The following TRPM2 variants were observed in gnomAD, a reference collection of about 807,000 sequenced individuals.
TRPM2 encodes transient receptor potential cation channel subfamily M member 2, also known as estrogen-responsive element-associated gene 1 protein.
In TRPM2, 161 loss-of-function variants were observed where a neutral mutation model predicts 174.0. That is an observed-to-expected ratio of 0.93 (90% CI 0.81 to 1.05). TRPM2 has a LOEUF of 1.05. Among genes scored for constraint, TRPM2 ranks in the 50% least tolerant of loss-of-function variants. The pLI is 0.00. For missense variants in TRPM2, 2,057 were observed against 2,038.0 expected, an observed-to-expected ratio of 1.01 and a Z score of -0.18; for synonymous variants, 954 against 861.3, an observed-to-expected ratio of 1.11 and a Z score of -1.88.
rs957278687 is a variant in TRPM2, at chr21:44,439,249, C to T, written c.4269+81C>T. Reference sequence around the variant, plus strand: ...AACACAGTGTGATACTGGGGACCTGCCCCAGCACCACTGGGTGGCAGCGGT... The same window carrying T: ...AACACAGTGTGATACTGGGGACCTGTCCCAGCACCACTGGGTGGCAGCGGT... On this transcript the variant is annotated intron_variant, in intron 30 of 31. Transcript: ENST00000397928. This position sits in a 1 kb window ranked among gnomAD's most constrained non-coding sequence, Gnocchi z 5.1. 32 of 1,329,556 alleles carry T rather than the reference C, an allele frequency of 2.4e-5. No homozygotes were observed. The East Asian group carries it at 7.1e-4, about 30-fold the overall frequency. The allele number at this position is 1,329,556 out of a possible 1,614,324, so 82.4% of individuals were successfully genotyped here.
intron 9 of TRPM2, among the ~76,000 whole-genome samples, chr21:44,385,034 C>T (rs1407068733): frequency 6.6e-6 from 1 of 152,174 alleles, no homozygotes; most frequent in African/African-American, 2.4e-5. Context: ...CGAAATTCTT[C>T]AACAAAATAT....
intron 2 of TRPM2, among the ~76,000 whole-genome samples, chr21:44,362,365 A>AAAAAAAAAAAT (rs1201529326): frequency 6.9e-6 from 1 of 144,300 alleles, no homozygotes; most frequent in Non-Finnish European, 1.5e-5. Context: ...AAAAAAAAAA[A>AAAAAAAAAAAT]GCCAGATGTG....
intron 2 of TRPM2, among the ~76,000 whole-genome samples, chr21:44,361,468 T>G (rs2048207368): frequency 6.6e-6 from 1 of 152,234 alleles, no homozygotes; most frequent in Non-Finnish European, 1.5e-5. Flanking sequence ...CTTGCCTGTG[T>G]CATTACACTT....
chr21:44,353,903 G>A, intron 1 of TRPM2, 38 bp downstream of exon 1: 1 of 1,582,784 alleles, frequency 6.3e-7, no homozygotes, highest in Non-Finnish European at 8.6e-7. Flanking sequence ...TTGGCACGTG[G>A]CCACGGAGGT....
rs2146107443 is a variant in TRPM2 at position 44,354,634 on chromosome 21, G to A, written c.166-14G>A. The stretch of plus-strand genomic sequence containing the variant: ...GAATGTTGGAAGATCTCAGTGTGCT[G>A]TCTTTACCTTCAGCAAGAAAGCCTC... On this transcript the variant is annotated splice_polypyrimidine_tract_variant and intron_variant, in intron 1 of 31. Transcript: ENST00000397928. The surrounding 1 kb of genome is among the most constrained non-coding windows in gnomAD (Gnocchi z 4.3). 6.2e-7 allele frequency: 1 copy of A among 1,611,662 alleles called. No individual in the cohort carries two copies. Among genetic ancestry groups the A allele is most frequent in the Non-Finnish European group, 8.5e-7 (1 of 1,177,804 alleles).
chr21:44,396,034 C>G (rs866789836), intron 12 of TRPM2, among the ~76,000 whole-genome samples: 2 of 22,250 alleles, frequency 9.0e-5, no homozygotes, highest in Admixed American at 4.8e-4. Flanking sequence ...GTGTGGAGGG[C>G]TGTGGAGGCT....
At chr21:44,420,583 G>A (rs1469885230) in intron 22 of TRPM2, among the ~76,000 whole-genome samples, 1 of 152,234 alleles carries the variant, frequency 6.6e-6, no homozygotes, top group East Asian at 1.9e-4. Flanking sequence ...GCCATGCAGT[G>A]CCCTGACAAC....
At chr21:44,429,023 G>A (rs74638991) in intron 27 of TRPM2, among the ~76,000 whole-genome samples, 44 of 152,276 alleles carry the variant, frequency 2.9e-4, no homozygotes, top group African/African-American at 1.0e-3. Context: ...TTAAAAGCCA[G>A]TTTTTCTAGC....
chr21:44,425,598 A>T, intron 24 of TRPM2, 72 bp from the exon 25 acceptor site: 1 of 1,411,016 alleles, frequency 7.1e-7, no homozygotes. Flanking sequence ...ACCACAGAGG[A>T]AGTCCTTGTC....
Position 44,441,624 on chromosome 21 carries a change from G to A in TRPM2, c.4387-68G>A, listed in dbSNP as rs537951348. The A allele has an allele frequency of 1.8e-5, 28 of 1,532,470 alleles. No individual in the cohort carries two copies. The South Asian group carries it at 3.2e-4, about 18-fold the overall frequency. 94.9% of individuals were successfully genotyped at this position (1,532,470 alleles called of 1,614,324 possible). ...AGGCCCCAAGCCCTCGAAGGCTGCA[G>A]TCCGTAGGGCTCAGCTGGGCAGAGG... On this transcript the variant is annotated intron_variant, in intron 31 of 31. Transcript: ENST00000397928.
chr21:44,423,977 C>T (rs1162049279), intron 23 of TRPM2, among the ~76,000 whole-genome samples: 1 of 151,888 alleles, frequency 6.6e-6, no homozygotes, highest in Non-Finnish European at 1.5e-5. Flanking sequence ...GGGCTGTGCT[C>T]CTCGCTGCTC....
At chr21:44,373,082 T>A (rs991271174) in intron 5 of TRPM2, among the ~76,000 whole-genome samples, 3 of 152,166 alleles carry the variant, frequency 2.0e-5, no homozygotes, top group African/African-American at 7.2e-5. Context: ...TGATGCTGTC[T>A]CCACTCCTGG....
intron 26 of TRPM2, 101 bp from the exon 27 acceptor site, chr21:44,426,909 C>A: frequency 1.5e-6 from 2 of 1,363,074 alleles, no homozygotes; most frequent in Admixed American, 2.1e-5. Flanking sequence ...CAGCCTGCAG[C>A]TACTCGGCTG....
chr21:44,402,408 G>A (rs1445314106), intron 16 of TRPM2, among the ~76,000 whole-genome samples: 1 of 152,196 alleles, frequency 6.6e-6, no homozygotes, highest in African/African-American at 2.4e-5. Flanking sequence ...GTCCCTCCCT[G>A]TGGAGGTGTG....
At position 44,424,672 on chromosome 21, in the gene TRPM2, C is replaced by T. The variant is rs45586236; in HGVS notation, c.3550-180C>T. 3.7e-4 allele frequency among the ~76,000 whole-genome samples: 56 copies of T among 152,238 alleles called. 1 individual carries two copies. The East Asian group carries it at 8.7e-3, about 24-fold the overall frequency. ...GGGGAGCCGGGTGGGCCTGGGGCAG[C>T]GTTCTGGCTGGCTTGGTGGCTGCCT... On this transcript the variant is annotated intron_variant, in intron 23 of 31. Transcript: ENST00000397928.
Position 44,406,581 on chromosome 21 carries a change from C to CT in TRPM2, c.2791-12dup, listed in dbSNP as rs1219907488. ...GCCAGGAGAGTGTAGCCCACACACT[C>CT]TCTGTCCTGCAGATGAAGGACGTCT... On this transcript the variant is annotated splice_polypyrimidine_tract_variant and intron_variant, in intron 18 of 31. Coordinates refer to ENST00000397928, the MANE Select transcript of TRPM2 (RefSeq NM_003307.4). The CT allele has an allele frequency of 1.2e-6, 2 of 1,604,946 alleles. No individual in the cohort carries two copies. The highest frequency in any genetic ancestry group is 1.7e-6 in the Non-Finnish European group (2 of 1,178,598).
chr21:44,420,586 C>G (rs2050514085), intron 22 of TRPM2, among the ~76,000 whole-genome samples: 1 of 152,214 alleles, frequency 6.6e-6, no homozygotes, highest in Non-Finnish European at 1.5e-5. Flanking sequence ...ATGCAGTGCC[C>G]TGACAACCTT....
chr21:44,417,577 C>T (rs536127908), intron 20 of TRPM2, among the ~76,000 whole-genome samples: 6 of 98,422 alleles, frequency 6.1e-5, no homozygotes, highest in Admixed American at 9.7e-5. Flanking sequence ...ACAGTGGGCA[C>T]GTGGGCGTGG....
rs565872468 is a variant in TRPM2, at chr21:44,425,320, A to G, written c.3638-350A>G. ...TGTTTTCCTAAATTCGCAGCCGGCTATGAAATGCACATCAGTAGCCTTCCT... is the reference window on the plus strand; with the variant it reads ...TGTTTTCCTAAATTCGCAGCCGGCTGTGAAATGCACATCAGTAGCCTTCCT... On this transcript the variant is annotated intron_variant, in intron 24 of 31. Transcript: ENST00000397928. The G allele has an allele frequency of 6.3e-5, 25 of 395,344 alleles. No individual in the cohort carries two copies. The South Asian group carries it at 1.5e-3, about 24-fold the overall frequency. The allele number at this position is 395,344 out of a possible 1,614,324, so 24.5% of individuals were successfully genotyped here. A position where few individuals can be genotyped will look rare whatever the true frequency, so the allele number is the denominator to read the frequency against.
Sources: allele counts gnomAD v4.1 joint callset (sites outside exome capture counted in the v4.1 genomes callset), GRCh38; gene constraint gnomAD v4.1.1; non-coding constraint Gnocchi (gnomAD v3.1); transcripts MANE v1.5; gene names NCBI Gene and HGNC (gene_info 2026-07-23, HGNC 2026-07-21).